RYR2: variants seen among roughly 807,000 people sequenced by gnomAD.
The protein encoded by RYR2 is ryanodine receptor 2.
A neutral mutation model predicts 601.1 loss-of-function variants in RYR2; 227 were observed. That is an observed-to-expected ratio of 0.38 (90% CI 0.34 to 0.42). The LOEUF is 0.42. Ranked by LOEUF, RYR2 falls within the 10% of genes least tolerant of loss-of-function variation. The pLI is 1.00. For missense variants in RYR2, 4,646 were observed against 6,156.5 expected, an observed-to-expected ratio of 0.75 and a Z score of 8.21; for synonymous variants, 2,223 against 2,175.1, an observed-to-expected ratio of 1.02 and a Z score of -0.61.
intron 1 of RYR2, among the ~76,000 whole-genome samples, chr1:237,052,564 T>C (rs1468775199): frequency 6.6e-6 from 1 of 152,218 alleles, no homozygotes; most frequent in Non-Finnish European, 1.5e-5. Context: ...TCATTTTATT[T>C]TTGAAACAGT....
intron 33 of RYR2, among the ~76,000 whole-genome samples, chr1:237,594,899 T>TGTTTTTG (rs1675671451): frequency 3.8e-4 from 9 of 23,454 alleles, no homozygotes; most frequent in African/African-American, 5.1e-4. Flanking sequence ...TTTTTTTTTT[T>TGTTTTTG]TTTTTTTTTT....
intron 1 of RYR2, among the ~76,000 whole-genome samples, chr1:237,239,571 G>A (rs910223193): frequency 2.6e-5 from 4 of 152,098 alleles, no homozygotes; most frequent in Admixed American, 6.6e-5. Context: ...TACTGCACAC[G>A]TGGCAACAAA....
At chr1:237,759,665 G>T in intron 82 of RYR2, 111 bp from the exon 83 acceptor site, 1 of 749,734 alleles carries the variant, frequency 1.3e-6, no homozygotes, top group Non-Finnish European at 2.4e-6. Flanking sequence ...TTTGTACGCA[G>T]TGAATATTTT....
intron 56 of RYR2, among the ~76,000 whole-genome samples, chr1:237,664,223 A>G (rs1301223064): frequency 2.0e-5 from 3 of 152,220 alleles, no homozygotes; most frequent in Non-Finnish European, 2.9e-5. Context: ...TTTCTTATCT[A>G]GAACTAAAAT....
chr1:237,066,786 C>A (rs1045474092), intron 1 of RYR2, among the ~76,000 whole-genome samples: 1 of 152,154 alleles, frequency 6.6e-6, no homozygotes, highest in East Asian at 1.9e-4. Flanking sequence ...GGACTGCAGG[C>A]GCCCACCACC....
chr1:237,560,894 ACT>A (rs1027559461), intron 27 of RYR2, among the ~76,000 whole-genome samples: 3 of 152,048 alleles, frequency 2.0e-5, no homozygotes, highest in African/African-American at 4.8e-5. Context: ...GAGGTTAGAG[ACT>A]CTGAGTTAGT....
In RYR2 at chr1:237,822,222, G is replaced by A. The variant is rs373794304; in HGVS notation, c.14590+3030G>A. 5.3e-5 allele frequency among the ~76,000 whole-genome samples: 8 copies of A among 152,130 alleles called. No homozygotes were observed. The South Asian group carries it at 6.2e-4, about 12-fold the overall frequency. The stretch of plus-strand genomic sequence containing the variant: ...AAGAGCAACCCCAAGACACATAATC[G>A]TCAGATTCACCAAGGTTGAAATGAA... On this transcript the variant is annotated intron_variant, in intron 101 of 104. Coordinates refer to ENST00000366574, the MANE Select transcript of RYR2 (RefSeq NM_001035.3).
At chr1:237,480,060 C>T (rs755062302) in intron 17 of RYR2, among the ~76,000 whole-genome samples, 6 of 152,024 alleles carry the variant, frequency 3.9e-5, no homozygotes, top group African/African-American at 9.7e-5. Context: ...ATGTACTCAG[C>T]GATGCATGAA....
intron 103 of RYR2, 48 bp from the exon 104 acceptor site, chr1:237,831,466 T>G (rs1663782862): frequency 9.8e-7 from 1 of 1,021,684 alleles, no homozygotes; most frequent in African/African-American, 1.6e-5. Flanking sequence ...CTGTTTATCC[T>G]AATATTTCCA....
chr1:237,433,717 C>T (rs1372494284), intron 12 of RYR2, among the ~76,000 whole-genome samples: 2 of 152,126 alleles, frequency 1.3e-5, no homozygotes, highest in African/African-American at 2.4e-5. Context: ...TCTTTACATA[C>T]TTCTGCCACA....
chr1:237,752,125 G>A (rs1410253878), intron 80 of RYR2, among the ~76,000 whole-genome samples: 3 of 152,162 alleles, frequency 2.0e-5, no homozygotes, highest in Non-Finnish European at 2.9e-5. Context: ...CAGTATGTGT[G>A]TACTGGTGTG....
intron 1 of RYR2, among the ~76,000 whole-genome samples, chr1:237,133,734 T>C (rs918777674): frequency 6.6e-6 from 1 of 152,098 alleles, no homozygotes; most frequent in Non-Finnish European, 1.5e-5. Flanking sequence ...AAGACCAGCC[T>C]GACCAACATG....
At chr1:237,785,120 A>C in intron 90 of RYR2, 148 bp downstream of exon 90, 1 of 680,176 alleles carries the variant, frequency 1.5e-6, no homozygotes, top group South Asian at 1.7e-5. Flanking sequence ...TGGTAGACAA[A>C]GTTAGTGTTT....
chr1:237,808,772 A>G, intron 99 of RYR2, 129 bp from the exon 100 acceptor site: 1 of 733,968 alleles, frequency 1.4e-6, no homozygotes, highest in East Asian at 2.7e-5. Flanking sequence ...GAAATAAGTT[A>G]TGGATCCCAT....
intron 2 of RYR2, among the ~76,000 whole-genome samples, chr1:237,272,398 C>A (rs946345507): frequency 6.6e-6 from 1 of 151,758 alleles, no homozygotes; most frequent in Admixed American, 6.6e-5. Context: ...GGGAGAACCA[C>A]AGAACAAGGA....
intron 8 of RYR2, among the ~76,000 whole-genome samples, chr1:237,380,359 AATATATAT>A (rs57204036): frequency 1.6e-3 from 46 of 29,270 alleles, no homozygotes; most frequent in Admixed American, 2.9e-3. Flanking sequence ...AGAATACACA[AATATATAT>A]ATATATATAT....
chr1:237,476,460 A>G (rs906738765), intron 17 of RYR2, among the ~76,000 whole-genome samples: 36 of 139,866 alleles, frequency 2.6e-4, no homozygotes, highest in African/African-American at 8.9e-4. Context: ...CAGTGAGCCA[A>G]GATTGCGCCA....
At chr1:237,339,706 C>T (rs1056443958) in intron 3 of RYR2, among the ~76,000 whole-genome samples, 1 of 152,162 alleles carries the variant, frequency 6.6e-6, no homozygotes, top group African/African-American at 2.4e-5. Flanking sequence ...CTGTAGTTCT[C>T]TTTGCCCTGT....
intron 3 of RYR2, among the ~76,000 whole-genome samples, chr1:237,336,670 A>G (rs965783696): frequency 1.3e-5 from 2 of 151,404 alleles, no homozygotes; most frequent in African/African-American, 2.4e-5. Context: ...AGCCTGGCCA[A>G]TGTGGAGAAA....
Sources: gnomAD v4.1 joint callset for allele counts (sites outside exome capture counted in the v4.1 genomes callset) on GRCh38, gnomAD v4.1.1 for gene constraint, MANE v1.5 for transcripts, NCBI Gene and HGNC (gene_info 2026-07-23, HGNC 2026-07-21) for gene names.